THADA: variants seen among roughly 807,000 people sequenced by gnomAD.
THADA encodes THADA armadillo repeat containing.
THADA carries 213 observed loss-of-function variants against 219.8 expected under a neutral mutation model. The ratio of observed to expected loss-of-function variants is 0.97; its 90% CI spans 0.87 to 1.09. The LOEUF (loss-of-function observed/expected upper bound fraction) is 1.09. THADA is among the 50% of genes least tolerant of loss of function. THADA has a pLI of 0.00. For synonymous variants in THADA, 1,018 were observed against 828.9 expected, an observed-to-expected ratio of 1.23 and a Z score of -3.92; for missense variants, 2,956 against 2,311.3, an observed-to-expected ratio of 1.28 and a Z score of -5.72.
chr2:43,469,727 T>A (rs779381362), intron 26 of THADA, among the ~76,000 whole-genome samples: 4 of 152,186 alleles, frequency 2.6e-5, no homozygotes, highest in Non-Finnish European at 5.9e-5. Flanking sequence ...TGCATCACTT[T>A]TTATTATGTG....
intron 31 of THADA, among the ~76,000 whole-genome samples, chr2:43,296,100 A>G (rs1216143410): frequency 6.6e-6 from 1 of 151,746 alleles, no homozygotes; most frequent in Admixed American, 6.6e-5. Context: ...TTGTATATTT[A>G]GTAGAGACAG....
rs1424966292 is a variant in THADA at position 43,566,782 on chromosome 2, A to G, written c.2227T>C (p.Leu743=). 1.7e-5 allele frequency: 26 copies of G among 1,541,774 alleles called. No homozygotes were observed. The highest frequency in any genetic ancestry group is 2.3e-5 in the Non-Finnish European group (26 of 1,152,258). Residue 743 remains leucine (L), a synonymous_variant, in exon 15 of 38, where the codon TTG becomes CTG. Transcript: ENST00000405975. ...GTCGAGTAGGAAGATCCAGGAAACA[A>G]TGCTTCAAAAAGACTGTTACAAATG... ...SSICNSLFEA[L]FPGSSYSTRF...
intron 36 of THADA, among the ~76,000 whole-genome samples, chr2:43,252,657 G>A (rs1669921203): frequency 6.6e-6 from 1 of 152,106 alleles, no homozygotes; most frequent in African/African-American, 2.4e-5. Context: ...CTCTCTCCCA[G>A]GCTATTATTC....
At chr2:43,441,789 T>C (rs1190842741) in intron 26 of THADA, among the ~76,000 whole-genome samples, 2 of 152,256 alleles carry the variant, frequency 1.3e-5, no homozygotes, top group Non-Finnish European at 2.9e-5. Context: ...TTAGGTCATA[T>C]TTGAATCTCC....
rs1220277312 is a variant in THADA, at chr2:43,454,010, C to G, written c.3837-23708G>C. ...CCTTCTGGCTCAACCTTCCAAGTAG[C>G]TAGGACTACAGGCATGCACTACCAT... On this transcript the variant is annotated intron_variant, in intron 26 of 37. Coordinates refer to ENST00000405975, the MANE Select transcript of THADA (RefSeq NM_022065.5). Among the ~76,000 whole-genome samples the G allele has an allele frequency of 2.0e-5, 3 of 152,250 alleles. No individual in the cohort carries two copies. In the East Asian group the frequency reaches 5.8e-4, roughly 29 times the overall value.
intron 26 of THADA, among the ~76,000 whole-genome samples, chr2:43,478,637 T>C (rs1573855344): frequency 1.3e-5 from 2 of 152,304 alleles, no homozygotes; most frequent in Admixed American, 6.5e-5. Flanking sequence ...CAAAATTCCA[T>C]AGAACATGCT....
At chr2:43,481,903 G>GTATC (rs1686278177) in intron 26 of THADA, among the ~76,000 whole-genome samples, 1 of 152,184 alleles carries the variant, frequency 6.6e-6, no homozygotes, top group South Asian at 2.1e-4. Flanking sequence ...ATATTGACAT[G>GTATC]TATCATTTAG....
At chr2:43,419,567 T>G (rs147579428) in intron 28 of THADA, among the ~76,000 whole-genome samples, 93 of 152,320 alleles carry the variant, frequency 6.1e-4, no homozygotes, top group African/African-American at 2.2e-3. Context: ...TCTTATTCTA[T>G]TTCCCAATTC....
intron 8 of THADA, among the ~76,000 whole-genome samples, chr2:43,579,717 C>A (rs760132645): frequency 1.3e-5 from 2 of 152,176 alleles, no homozygotes; most frequent in African/African-American, 4.8e-5. Flanking sequence ...ACGCAACTGG[C>A]CTTCCTTCTT....
rs11900952 is a variant in THADA, at chr2:43,286,897, G to T, written c.5164+11C>A. 1.2e-6 allele frequency: 2 copies of T among 1,604,876 alleles called. No individual in the cohort carries two copies. The highest frequency in any genetic ancestry group is 1.7e-6 in the Non-Finnish European group (2 of 1,172,650). On this transcript the variant is annotated intron_variant, in intron 35 of 37. Transcript: ENST00000405975. ...GTTTGGTACAACAGACTTCCGTCTC[G>T]GCGCACTTACCAAGAATAGGATGGG...
rs760854371 is a variant in THADA, at chr2:43,570,436, C to T, written c.2139G>A (p.Glu713=). 6.2e-7 allele frequency: 1 copy of T among 1,613,522 alleles called. No homozygotes were observed. Residue 713 remains glutamate, a synonymous_variant, in exon 14 of 38, where the codon GAG becomes GAA. Coordinates refer to ENST00000405975, the MANE Select transcript of THADA (RefSeq NM_022065.5). ...AAGGGTGCTGTTTGGTTAACTCATT[C>T]TCTGGTTCACGTTTGGATTTACTCT... is the stretch of plus-strand genomic sequence containing the variant. The part of the protein sequence containing the change: ...LEQSKSKREP[E]NELTKQHPSV...
At chr2:43,515,270 A>AATATATAATATATT (rs1558892521) in intron 22 of THADA, among the ~76,000 whole-genome samples, 2 of 20,500 alleles carry the variant, frequency 9.8e-5, no homozygotes, top group Non-Finnish European at 1.9e-4. Context: ...TATAATATAT[A>AATATATAATATATT]ATATATAATA....
chr2:43,552,533 A>G (rs1162463413), intron 17 of THADA, among the ~76,000 whole-genome samples, 194 bp from the exon 18 acceptor site: 7 of 152,220 alleles, frequency 4.6e-5, no homozygotes, highest in Admixed American at 4.6e-4. Context: ...GTCTTTCCCT[A>G]AACTGCCTGT....
intron 36 of THADA, among the ~76,000 whole-genome samples, chr2:43,245,165 TCTTC>T (rs1282427874): frequency 3.1e-5 from 4 of 129,468 alleles, no homozygotes; most frequent in Non-Finnish European, 4.7e-5. Context: ...CTTCTTTCTT[TCTTC>T]TTCTTTTTTT....
At chr2:43,398,817 C>T (rs1035299140) in intron 28 of THADA, among the ~76,000 whole-genome samples, 1 of 152,170 alleles carries the variant, frequency 6.6e-6, no homozygotes. Context: ...TCAGGCCATA[C>T]TGGGGAGTGC....
intron 22 of THADA, among the ~76,000 whole-genome samples, chr2:43,513,521 C>T (rs191560847): frequency 2.6e-5 from 4 of 152,300 alleles, no homozygotes; most frequent in Admixed American, 2.6e-4. Context: ...GCCAGAGCTG[C>T]CTGAGGCTGT....
At chr2:43,399,880 A>G (rs1674584980) in intron 28 of THADA, among the ~76,000 whole-genome samples, 1 of 127,428 alleles carries the variant, frequency 7.8e-6, no homozygotes, top group Admixed American at 7.4e-5. Context: ...ACCAAAAAAC[A>G]AAAAAACAAA....
intron 26 of THADA, among the ~76,000 whole-genome samples, chr2:43,439,315 A>G (rs1045472778): frequency 2.6e-5 from 4 of 152,210 alleles, no homozygotes; most frequent in Non-Finnish European, 4.4e-5. Flanking sequence ...AACTTTTATT[A>G]TAGTATATTG....
intron 7 of THADA, among the ~76,000 whole-genome samples, chr2:43,582,699 A>G (rs1345211753): frequency 6.7e-6 from 1 of 150,258 alleles, no homozygotes; most frequent in Non-Finnish European, 1.5e-5. Context: ...CCTCCCAAGT[A>G]GCTGGGATTA....
Sources: allele counts gnomAD v4.1 joint callset (sites outside exome capture counted in the v4.1 genomes callset), GRCh38; gene constraint gnomAD v4.1.1; transcripts MANE v1.5; gene names NCBI Gene and HGNC (gene_info 2026-07-23, HGNC 2026-07-21).